Variants in USP45 observed in about 807,000 individuals in gnomAD.
USP45 encodes the protein ubiquitin carboxyl-terminal hydrolase 45.
A neutral mutation model predicts 95.8 loss-of-function variants in USP45; 89 were observed. That is an observed-to-expected ratio of 0.93 (90% CI 0.78 to 1.11). The LOEUF (loss-of-function observed/expected upper bound fraction) is 1.11. Ranked by LOEUF, USP45 falls within the 50% of genes least tolerant of loss-of-function variation. The pLI, the probability that USP45 is intolerant of heterozygous loss-of-function variation, is 0.00. For synonymous variants in USP45, 281 were observed against 316.2 expected (o/e 0.89, Z 1.18); for missense variants, 898 against 942.5 (o/e 0.95, Z 0.62).
At chr6:99,467,271 A>G (rs1788194705) in intron 10 of USP45, among the ~76,000 whole-genome samples, 1 of 152,212 alleles carries the variant, frequency 6.6e-6, no homozygotes, top group South Asian at 2.1e-4. Flanking sequence ...AAAAATGCCA[A>G]TGACTTAGTT....
chr6:99,507,150 G>A (rs1227458306), intron 4 of USP45, among the ~76,000 whole-genome samples: 2 of 152,176 alleles, frequency 1.3e-5, no homozygotes, highest in Non-Finnish European at 2.9e-5. Flanking sequence ...GAGATTGCAG[G>A]GAGCTGAGAT....
In USP45 at chr6:99,462,161, AAAG is replaced by A. The variant is rs1361241787; in HGVS notation, c.1308+2440_1308+2442del. On this transcript the variant is annotated intron_variant, in intron 13 of 17. Coordinates refer to ENST00000500704, the MANE Select transcript of USP45 (RefSeq NM_001346022.3). ...CTATTACATGAAAAAAACGTTCAAT[AAAG>A]AATAGGTCCAATAAAAAAGTAACAA... 14 of 979,530 alleles carry A rather than the reference AAAG, an allele frequency of 1.4e-5. No homozygotes were observed. The East Asian group carries it at 1.4e-3, about 96-fold the overall frequency. 60.7% of individuals were successfully genotyped at this position (979,530 alleles called of 1,614,324 possible).
intron 9 of USP45, among the ~76,000 whole-genome samples, chr6:99,473,554 TAAGC>T (rs1209121743): frequency 6.7e-6 from 1 of 150,096 alleles, no homozygotes; most frequent in African/African-American, 2.5e-5. Context: ...TCTAAATAAA[TAAGC>T]AAGCCTAGTC....
intron 4 of USP45, 61 bp downstream of exon 4, chr6:99,507,367 G>A (rs1171001115): frequency 1.4e-5 from 11 of 790,970 alleles, no homozygotes; most frequent in Non-Finnish European, 9.4e-6. Flanking sequence ...AAAGCTTAAA[G>A]AAAAAAAAAA....
intron 4 of USP45, among the ~76,000 whole-genome samples, chr6:99,505,949 T>C (rs1055119674): frequency 7.9e-5 from 12 of 152,216 alleles, no homozygotes; most frequent in Middle Eastern, 3.2e-3. Flanking sequence ...TATGGCACCA[T>C]TGCTGTCTCC....
chr6:99,517,418 T>C (rs1801181386), upstream of USP45, among the ~76,000 whole-genome samples: 1 of 152,002 alleles, frequency 6.6e-6, no homozygotes, highest in Admixed American at 6.6e-5. Flanking sequence ...TATATTTCTA[T>C]CAAGTGTATT....
intron 13 of USP45, among the ~76,000 whole-genome samples, chr6:99,448,908 T>A (rs1011451907): frequency 1.3e-5 from 2 of 152,196 alleles, no homozygotes; most frequent in Non-Finnish European, 2.9e-5. Context: ...CAGAATTTCA[T>A]ATCCAGCCAA....
chr6:99,453,071 A>G (rs1784248479), intron 13 of USP45, among the ~76,000 whole-genome samples: 1 of 152,068 alleles, frequency 6.6e-6, no homozygotes, highest in Admixed American at 6.6e-5. Context: ...AGATATACCT[A>G]ATGTAAATGG....
At chr6:99,459,547 T>G (rs1355323471) in intron 13 of USP45, among the ~76,000 whole-genome samples, 1 of 152,176 alleles carries the variant, frequency 6.6e-6, no homozygotes, top group East Asian at 1.9e-4. Context: ...TTTAGCTCTT[T>G]GAGGAATAGC....
intron 5 of USP45, among the ~76,000 whole-genome samples, chr6:99,489,882 C>A (rs970213480): frequency 2.0e-5 from 3 of 152,052 alleles, no homozygotes; most frequent in African/African-American, 7.2e-5. Context: ...ACCTGAGAGG[C>A]AGAGGTTGCA....
chr6:99,510,338 C>A, intron 1 of USP45, 108 bp from the exon 2 acceptor site: 2 of 689,268 alleles, frequency 2.9e-6, no homozygotes, highest in South Asian at 2.1e-5. Context: ...TTCAACTGGT[C>A]CGGGAAATCA....
intron 7 of USP45, among the ~76,000 whole-genome samples, chr6:99,484,258 C>A (rs1303139835): frequency 6.6e-6 from 1 of 151,642 alleles, no homozygotes; most frequent in African/African-American, 2.4e-5. Context: ...ACTTCAAACT[C>A]TTGGACCCAA....
intron 5 of USP45, among the ~76,000 whole-genome samples, chr6:99,496,836 C>T (rs760438777): frequency 3.3e-5 from 5 of 151,102 alleles, no homozygotes; most frequent in Non-Finnish European, 7.4e-5. Flanking sequence ...TTTTCCATAT[C>T]CCCCCTACCC....
At chr6:99,445,349 G>A (rs1782309030) in intron 14 of USP45, among the ~76,000 whole-genome samples, 1 of 152,056 alleles carries the variant, frequency 6.6e-6, no homozygotes, top group South Asian at 2.1e-4. Flanking sequence ...TGGGCATGGT[G>A]GTGGGCGCCT....
intron 7 of USP45, among the ~76,000 whole-genome samples, chr6:99,484,175 CTT>C (rs113730302): frequency 1.7e-4 from 23 of 139,386 alleles, no homozygotes; most frequent in Admixed American, 1.4e-4. Flanking sequence ...TGTGTTTTTT[CTT>C]TTTTTTTTTT....
chr6:99,486,367 G>A (rs1793872350), intron 7 of USP45, among the ~76,000 whole-genome samples: 1 of 152,126 alleles, frequency 6.6e-6, no homozygotes, highest in Non-Finnish European at 1.5e-5. Flanking sequence ...ACACAGCTCT[G>A]CATGTCAAAT....
At chr6:99,500,762 G>A (rs79346848) in intron 5 of USP45, among the ~76,000 whole-genome samples, 4,346 of 152,208 alleles carry the variant, frequency 0.029, 149 homozygotes, top group African/African-American at 0.09. Context: ...CAGAATTGGA[G>A]CTACGACTAG....
At chr6:99,469,672 G>A (rs1788910942) in intron 9 of USP45, among the ~76,000 whole-genome samples, 1 of 151,182 alleles carries the variant, frequency 6.6e-6, no homozygotes, top group Non-Finnish European at 1.5e-5. Context: ...TTGTAGAGAT[G>A]GGGTTTTGCC....
In USP45 at chr6:99,437,094, CTCAA is replaced by C. The variant is rs112767733; in HGVS notation, c.2314+148_2314+151del. ...CCAGCTTGGATGACTGAGACTCTGT[CTCAA>C]TCAATCAATCAATCAATCAATTAAG... On this transcript the variant is annotated intron_variant, in intron 17 of 17. Transcript: ENST00000500704. 200 of 761,970 alleles carry C rather than the reference CTCAA, an allele frequency of 2.6e-4. 2 individuals are homozygous for C. The highest frequency in any genetic ancestry group is 2.1e-3 in the African/African-American group (116 of 55,704). 47.2% of individuals were successfully genotyped at this position (761,970 alleles called of 1,614,324 possible).
Sources: allele counts gnomAD v4.1 joint callset (sites outside exome capture counted in the v4.1 genomes callset), GRCh38; gene constraint gnomAD v4.1.1; transcripts MANE v1.5; gene names NCBI Gene and HGNC (gene_info 2026-07-23, HGNC 2026-07-21).